The following ZBTB4 variants were observed in gnomAD, a reference collection of about 807,000 sequenced individuals.
ZBTB4 encodes zinc finger and BTB domain-containing protein 4.
Under a neutral mutation model 59.8 loss-of-function variants are expected in ZBTB4, and 14 were observed. That is an observed-to-expected ratio of 0.23 (90% CI 0.15 to 0.37). The LOEUF (loss-of-function observed/expected upper bound fraction) is 0.37, where lower values mean the gene tolerates loss of function less well. Among genes scored for constraint, ZBTB4 ranks in the 10% least tolerant of loss-of-function variants. ZBTB4 has a pLI of 1.00. For missense variants in ZBTB4, 1,198 were observed against 1,380.8 expected, an observed-to-expected ratio of 0.87 and a Z score of 2.10; for synonymous variants, 587 against 575.2, an observed-to-expected ratio of 1.02 and a Z score of -0.29.
chr17:7,464,832 G>A (rs1423316165), intron 3 of ZBTB4, among the ~76,000 whole-genome samples: 3 of 136,036 alleles, frequency 2.2e-5, no homozygotes, highest in South Asian at 2.4e-4. Context: ...AGCGAGACTC[G>A]GTCTTAAAAA....
In ZBTB4 at chr17:7,462,612, C is replaced by G. The variant is rs2070040942; in HGVS notation, c.2370G>C (p.Glu790Asp). ...LSRHGQRHAA[E>D]RPGGTPTPVI... The stretch of plus-strand genomic sequence containing the variant: ...CAGGGGTTGGGGTGCCCCCGGGCCG[C>G]TCAGCAGCATGCCTCTGCCCGTGGC... Residue 790 changes from glutamate (E) to aspartate (D), a missense_variant, in exon 4 of 4, where the codon GAG becomes GAC. Coordinates refer to ENST00000380599, the MANE Select transcript of ZBTB4 (RefSeq NM_001128833.2). The surrounding 1 kb of genome is among the most constrained non-coding windows in gnomAD (Gnocchi z 7.5). 3 of 1,609,862 alleles carry G rather than the reference C, an allele frequency of 1.9e-6. No homozygotes were observed. Among genetic ancestry groups the G allele is most frequent in the Non-Finnish European group, 2.5e-6 (3 of 1,178,140 alleles).
chr17:7,469,767 T>A (rs1346386636), intron 1 of ZBTB4, among the ~76,000 whole-genome samples: 5 of 142,408 alleles, frequency 3.5e-5, no homozygotes. Context: ...TGAGACTCTG[T>A]CTCAAAAAAT....
At chr17:7,481,332 AAAC>A, upstream of ZBTB4, 1 of 1,066,400 alleles carries the variant, frequency 9.4e-7, no homozygotes. Flanking sequence ...ACTTCGTCGC[AAAC>A]AAAAAAAGAA....
At chr17:7,477,649 T>C (rs139589613) in intron 1 of ZBTB4, among the ~76,000 whole-genome samples, 1 of 152,280 alleles carries the variant, frequency 6.6e-6, no homozygotes, top group Non-Finnish European at 1.5e-5. Context: ...AGTGAGCGAA[T>C]TCTGTTCTGA....
rs775427203 is a variant in ZBTB4 at position 7,462,203 on chromosome 17, CAT to C, written c.2777_2778del (p.Tyr926TrpfsTer14). On this transcript the variant is annotated frameshift_variant, in exon 4 of 4. Coordinates refer to ENST00000380599, the MANE Select transcript of ZBTB4 (RefSeq NM_001128833.2). LOFTEE classifies it high-confidence loss of function. The surrounding 1 kb of genome is among the most constrained non-coding windows in gnomAD (Gnocchi z 7.5). ...TFYPEPYPLV[Y>X]GPQLLAAYPY... ...GGGTAGGCGGCAAGGAGCTGGGGGC[CAT>C]AGACGAGCGGGTAGGGCTCAGGGTA... is the stretch of plus-strand genomic sequence containing the variant. 2 of 1,613,734 alleles carry C rather than the reference CAT, an allele frequency of 1.2e-6. No homozygotes were observed. The highest frequency in any genetic ancestry group is 1.7e-6 in the Non-Finnish European group (2 of 1,179,840).
upstream of ZBTB4, among the ~76,000 whole-genome samples, chr17:7,480,739 A>C (rs919919068): frequency 6.6e-6 from 1 of 151,988 alleles, no homozygotes; most frequent in Non-Finnish European, 1.5e-5. Context: ...ACAACAACAA[A>C]AAAACCTCTC....
chr17:7,471,449 T>C (rs1013994793), intron 1 of ZBTB4, among the ~76,000 whole-genome samples: 1 of 152,194 alleles, frequency 6.6e-6, no homozygotes, highest in Non-Finnish European at 1.5e-5. Flanking sequence ...TTTATCTGTA[T>C]CATCTCATTT....
At position 7,462,563 on chromosome 17, in the gene ZBTB4, C is replaced by T. The variant is rs112678232; in HGVS notation, c.2419G>A (p.Ala807Thr). Reference protein sequence around the residue: ...TPVIAYSKGSAGTRPGDVKEE... With the variant: ...TPVIAYSKGSTGTRPGDVKEE... Reference sequence around the variant, plus strand: ...TTGACATCCCCGGGCCTGGTGCCAGCGCTGCCCTTGGAATAGGCAATGACA... The same window carrying T: ...TTGACATCCCCGGGCCTGGTGCCAGTGCTGCCCTTGGAATAGGCAATGACA... The change falls in exon 4 of 4, where the codon GCT becomes ACT. Residue 807 changes from alanine to threonine, a missense_variant. Ala to Thr is a moderately conservative substitution (Grantham distance 58). Coordinates refer to ENST00000380599, the MANE Select transcript of ZBTB4 (RefSeq NM_001128833.2). The surrounding 1 kb of genome is among the most constrained non-coding windows in gnomAD (Gnocchi z 7.5). The T allele has an allele frequency of 1.1e-4, 170 of 1,613,616 alleles. No individual in the cohort carries two copies. Among genetic ancestry groups the T allele is most frequent in the Middle Eastern group, 8.3e-4 (5 of 6,054 alleles).
rs1172126760 is a variant in ZBTB4, at chr17:7,466,905, G to A, written c.-9-95C>T. Reference sequence around the variant, plus strand: ...GGCAGAGAGAGGATCAGGAGCTGCTGGTCAGAAACTAGTGGAAGGCTGAAT... The same window carrying A: ...GGCAGAGAGAGGATCAGGAGCTGCTAGTCAGAAACTAGTGGAAGGCTGAAT... On this transcript the variant is annotated intron_variant, in intron 2 of 3. Transcript: ENST00000380599. This position sits in a 1 kb window ranked among gnomAD's most constrained non-coding sequence, Gnocchi z 9.1. 3 of 1,432,614 alleles carry A rather than the reference G, an allele frequency of 2.1e-6. No homozygotes were observed. The highest frequency in any genetic ancestry group is 2.9e-5 in the African/African-American group (2 of 69,790). The allele number at this position is 1,432,614 out of a possible 1,614,324, so 88.7% of individuals were successfully genotyped here.
upstream of ZBTB4, among the ~76,000 whole-genome samples, chr17:7,480,736 C>CA (rs1036957906): frequency 1.3e-5 from 2 of 151,236 alleles, no homozygotes; most frequent in Middle Eastern, 3.2e-3. Flanking sequence ...AAAACAACAA[C>CA]AAAAAAACCT....
intron 3 of ZBTB4, among the ~76,000 whole-genome samples, chr17:7,464,876 G>A (rs1340526339): frequency 6.7e-6 from 1 of 148,592 alleles, no homozygotes; most frequent in African/African-American, 2.5e-5. Flanking sequence ...AAAAAATGCC[G>A]CCGGGCGCGG....
rs752796104 is a variant in ZBTB4, at chr17:7,461,426, C to T, written c.*514G>A. On this transcript the variant is annotated 3_prime_UTR_variant, in exon 4 of 4. Coordinates refer to ENST00000380599, the MANE Select transcript of ZBTB4 (RefSeq NM_001128833.2). ...GCTGGGGAAGGATGAAACCCAAAGCCACACTCCCAGGTGGGCGGGGTCAGG... is the reference window on the plus strand; with the variant it reads ...GCTGGGGAAGGATGAAACCCAAAGCTACACTCCCAGGTGGGCGGGGTCAGG... The T allele has an allele frequency of 6.5e-6, 1 of 152,950 alleles. No individual in the cohort carries two copies. Among genetic ancestry groups the T allele is most frequent in the Non-Finnish European group, 1.5e-5 (1 of 68,292 alleles). 9.5% of individuals were successfully genotyped at this position (152,950 alleles called of 1,614,324 possible).
At chr17:7,481,939 C>T (rs145134017), upstream of ZBTB4, 718 of 1,546,380 alleles carry the variant, frequency 4.6e-4, 2 homozygotes, top group African/African-American at 2.8e-3. Context: ...TGCCCCAGGT[C>T]GCCTGGGCTG....
chr17:7,463,424 G>T lies in ZBTB4; in HGVS notation c.1558C>A (p.Arg520=). 6.4e-7 allele frequency: 1 copy of T among 1,568,806 alleles called. No individual in the cohort carries two copies. The highest frequency in any genetic ancestry group is 8.6e-7 in the Non-Finnish European group (1 of 1,157,732). The change falls in exon 4 of 4, where the codon CGA becomes AGA. Residue 520 remains arginine (R), a synonymous_variant. Coordinates refer to ENST00000380599, the MANE Select transcript of ZBTB4 (RefSeq NM_001128833.2). ...TCAGGGGGAGGAGGTGGGTATTCTC[G>T]TTTCTTGGGTGGCCTCGGGGGAGCA... ...YTAPPRPPKK[R]EYPPPPPEPA...
At position 7,463,553 on chromosome 17, in the gene ZBTB4, G is replaced by C. The variant is rs1350183477; in HGVS notation, c.1429C>G (p.Pro477Ala). The C allele has an allele frequency of 1.9e-6, 3 of 1,589,968 alleles. No homozygotes were observed. Among genetic ancestry groups the C allele is most frequent in the Non-Finnish European group, 2.6e-6 (3 of 1,168,672 alleles). ...PPPSVITFAH[P>A]APSVIVHGGS... is the part of the protein sequence containing the mutation. ...CCATGGACAATGACAGAGGGGGCTG[G>C]GTGGGCAAAAGTGATGACAGAGGGT... The change falls in exon 4 of 4, where the codon CCA becomes GCA. Residue 477 changes from proline to alanine, a missense_variant. By Grantham distance (27) the Pro-to-Ala change is conservative. Transcript: ENST00000380599.
chr17:7,481,588 T>C, upstream of ZBTB4: 5 of 1,167,876 alleles, frequency 4.3e-6, no homozygotes, highest in Non-Finnish European at 4.7e-6. Flanking sequence ...TCCCCTCCTT[T>C]CCTAAAACTT....
upstream of ZBTB4, chr17:7,481,919 G>A: frequency 2.6e-6 from 4 of 1,530,004 alleles, no homozygotes; most frequent in South Asian, 5.2e-5. Flanking sequence ...CCCCATCCTG[G>A]CATCTGCCCT....
chr17:7,473,574 T>C (rs2070229315), intron 1 of ZBTB4, among the ~76,000 whole-genome samples: 1 of 152,038 alleles, frequency 6.6e-6, no homozygotes, highest in South Asian at 2.1e-4. Context: ...TGAGACAGGA[T>C]CTTGCTCTGT....
chr17:7,482,450 G>A (rs2070357519), upstream of ZBTB4: 4 of 1,614,030 alleles, frequency 2.5e-6, no homozygotes, highest in Non-Finnish European at 3.4e-6. Flanking sequence ...GGGTCTCAGT[G>A]GCTACGACTG....
Sources: gnomAD v4.1 joint callset for allele counts (sites outside exome capture counted in the v4.1 genomes callset) on GRCh38, gnomAD v4.1.1 for gene constraint, Gnocchi (gnomAD v3.1) non-coding constraint, MANE v1.5 for transcripts, NCBI Gene and HGNC (gene_info 2026-07-23, HGNC 2026-07-21) for gene names.